Variants in MYO10 observed in about 807,000 individuals in gnomAD.
The protein encoded by MYO10 is unconventional myosin-X.
A neutral mutation model predicts 257.3 loss-of-function variants in MYO10; 133 were observed. The ratio of observed to expected loss-of-function variants is 0.52; its 90% CI spans 0.45 to 0.60. The LOEUF is 0.60. MYO10 is among the 20% of genes least tolerant of loss of function. MYO10 has a pLI of 0.00. For missense variants in MYO10, 2,399 were observed against 2,635.7 expected (o/e 0.91, Z 1.97); for synonymous variants, 1,104 against 1,028.6 (o/e 1.07, Z -1.40).
chr5:16,873,549 G>A (rs1382292782), intron 2 of MYO10, among the ~76,000 whole-genome samples: 2 of 152,214 alleles, frequency 1.3e-5, no homozygotes, highest in East Asian at 1.9e-4. Flanking sequence ...CTCTGTGTGG[G>A]GGTTCCAACC....
intron 3 of MYO10, among the ~76,000 whole-genome samples, chr5:16,809,769 G>C (rs182180594): frequency 1.3e-5 from 2 of 152,258 alleles, no homozygotes; most frequent in African/African-American, 4.8e-5. Context: ...CTTAAAATTG[G>C]CTCCTTTGAT....
chr5:16,888,886 C>A (rs920361212), intron 1 of MYO10, among the ~76,000 whole-genome samples: 2 of 150,056 alleles, frequency 1.3e-5, no homozygotes, highest in African/African-American at 5.1e-5. Flanking sequence ...AAACAATAGG[C>A]CAGGCCAGGC....
At position 16,803,428 on chromosome 5, in the gene MYO10, G is replaced by A. The variant is rs988880383; in HGVS notation, c.280-8595C>T. Reference sequence around the variant, plus strand: ...GACAGAGTGAGACCCTATCTCAAAAGAAAAAAAAAAGTTTCAGCATACACA... The same window carrying A: ...GACAGAGTGAGACCCTATCTCAAAAAAAAAAAAAAAGTTTCAGCATACACA... On this transcript the variant is annotated intron_variant, in intron 3 of 40. Coordinates refer to ENST00000513610, the MANE Select transcript of MYO10 (RefSeq NM_012334.3). 1.0e-3 allele frequency among the ~76,000 whole-genome samples: 147 copies of A among 146,458 alleles called. 1 individual carries two copies. The highest frequency in any genetic ancestry group is 3.4e-3 in the African/African-American group (137 of 39,900).
chr5:16,850,839 T>A (rs1001794978), intron 2 of MYO10, among the ~76,000 whole-genome samples: 1 of 151,476 alleles, frequency 6.6e-6, no homozygotes, highest in African/African-American at 2.4e-5. Flanking sequence ...TCTTGCTCTG[T>A]CGTCCAGGCT....
At chr5:16,763,959 G>A (rs1740794672) in intron 12 of MYO10, among the ~76,000 whole-genome samples, 1 of 152,046 alleles carries the variant, frequency 6.6e-6, no homozygotes, top group South Asian at 2.1e-4. Flanking sequence ...AGCCTGACCA[G>A]CATGGTGCAA....
At chr5:16,774,459 T>C (rs1362270786) in intron 9 of MYO10, among the ~76,000 whole-genome samples, 2 of 152,320 alleles carry the variant, frequency 1.3e-5, no homozygotes, top group East Asian at 3.9e-4. Context: ...TCTCACTCTG[T>C]TGCCCAGGCT....
chr5:16,707,750 T>C (rs1307179962), intron 21 of MYO10, among the ~76,000 whole-genome samples: 2 of 152,106 alleles, frequency 1.3e-5, no homozygotes, highest in Non-Finnish European at 2.9e-5. Context: ...TACATTGCAA[T>C]CTCCTCCCCA....
At chr5:16,669,222 CTT>C (rs11292604) in intron 39 of MYO10, among the ~76,000 whole-genome samples, 29 of 148,802 alleles carry the variant, frequency 1.9e-4, no homozygotes, top group Admixed American at 3.3e-4. Context: ...TTTCTTTTTT[CTT>C]TTTTTTTTTG....
chr5:16,879,448 C>T (rs1348792548), intron 1 of MYO10, among the ~76,000 whole-genome samples: 1 of 152,166 alleles, frequency 6.6e-6, no homozygotes, highest in Non-Finnish European at 1.5e-5. Context: ...TAGTCACCTC[C>T]AGTAAAGGAG....
chr5:16,704,786 C>T (rs1250285763), intron 21 of MYO10, 101 bp from the exon 22 acceptor site: 11 of 882,402 alleles, frequency 1.2e-5, no homozygotes, highest in Non-Finnish European at 1.8e-6. Context: ...GCTTTTTTCT[C>T]TTAGTTTGAT....
At chr5:16,932,103 G>A (rs1290432900) in intron 1 of MYO10, among the ~76,000 whole-genome samples, 3 of 152,218 alleles carry the variant, frequency 2.0e-5, no homozygotes, top group Admixed American at 1.3e-4. Context: ...AACCAGACTG[G>A]AAGAAACAGG....
At chr5:16,740,799 C>T (rs1377526210) in intron 19 of MYO10, among the ~76,000 whole-genome samples, 1 of 151,876 alleles carries the variant, frequency 6.6e-6, no homozygotes, top group African/African-American at 2.4e-5. Flanking sequence ...AAATATGTGG[C>T]ATTTTCCCAT....
intron 19 of MYO10, among the ~76,000 whole-genome samples, chr5:16,718,794 A>G (rs1203714436): frequency 6.6e-6 from 1 of 152,082 alleles, no homozygotes; most frequent in East Asian, 1.9e-4. Context: ...TGAGTACACC[A>G]ATCAACACTC....
chr5:16,828,373 A>G (rs1171704827), intron 2 of MYO10, among the ~76,000 whole-genome samples: 1 of 152,110 alleles, frequency 6.6e-6, no homozygotes, highest in Admixed American at 6.6e-5. Context: ...TGGGAAGACG[A>G]GGTCAGCATT....
intron 2 of MYO10, among the ~76,000 whole-genome samples, chr5:16,852,278 T>C (rs1212427991): frequency 6.6e-6 from 1 of 151,200 alleles, no homozygotes; most frequent in African/African-American, 2.4e-5. Context: ...AAAGTATAGA[T>C]TCTAGGTCAC....
At chr5:16,776,708 T>C (rs1741222855) in intron 9 of MYO10, among the ~76,000 whole-genome samples, 1 of 152,236 alleles carries the variant, frequency 6.6e-6, no homozygotes, top group Non-Finnish European at 1.5e-5. Context: ...TACTTGTAGC[T>C]GACAAAAAGA....
chr5:16,663,342 T>G lies in MYO10; in HGVS notation c.*3350A>C, dbSNP rs1207054230. The G allele has an allele frequency of 2.1e-4, 12 of 56,270 alleles. No homozygotes were observed. The highest frequency in any genetic ancestry group is 2.8e-4 in the Non-Finnish European group (7 of 24,574). The allele number at this position is 56,270 out of a possible 1,614,324, so 3.5% of individuals were successfully genotyped here. A position where few individuals can be genotyped will look rare whatever the true frequency, so the allele number is the denominator to read the frequency against. On this transcript the variant is annotated 3_prime_UTR_variant, in exon 41 of 41. Transcript: ENST00000513610. ...TACTTCTAGTTGTTTTTTTTTTTTT[T>G]TTTTTTTTTTTTTTTTTTTTTTTTT...
At chr5:16,857,976 G>A (rs577308542) in intron 2 of MYO10, among the ~76,000 whole-genome samples, 19 of 152,152 alleles carry the variant, frequency 1.2e-4, no homozygotes, top group Non-Finnish European at 2.5e-4. Context: ...GGGTAAATGA[G>A]CCTTTAGATC....
chr5:16,848,067 A>G (rs1042643481), intron 2 of MYO10, among the ~76,000 whole-genome samples: 4 of 152,092 alleles, frequency 2.6e-5, no homozygotes, highest in Admixed American at 6.5e-5. Flanking sequence ...AGCAGTTCCC[A>G]AAGTGAATTA....
Sources: gnomAD v4.1 joint callset for allele counts (sites outside exome capture counted in the v4.1 genomes callset) on GRCh38, gnomAD v4.1.1 for gene constraint, MANE v1.5 for transcripts, NCBI Gene and HGNC (gene_info 2026-07-23, HGNC 2026-07-21) for gene names.